The following MAP4K3 variants were observed in gnomAD, a reference collection of about 807,000 sequenced individuals.
MAP4K3 encodes the protein MAPK/ERK kinase kinase kinase 3.
Under a neutral mutation model 143.5 loss-of-function variants are expected in MAP4K3, and 94 were observed. The ratio of observed to expected loss-of-function variants is 0.65; its 90% CI spans 0.55 to 0.78. The LOEUF (loss-of-function observed/expected upper bound fraction) is 0.78, where lower values mean the gene tolerates loss of function less well. Ranked by LOEUF, MAP4K3 falls within the 30% of genes least tolerant of loss-of-function variation. The probability of loss-of-function intolerance (pLI) is 0.00; values close to 1 mark genes in which losing one functional copy is unlikely to be tolerated. For missense variants in MAP4K3, 1,077 were observed against 1,068.1 expected (o/e 1.01, Z -0.12); for synonymous variants, 416 against 347.2 (o/e 1.20, Z -2.20).
At chr2:39,319,141 T>C in intron 12 of MAP4K3, among the ~76,000 whole-genome samples, 1 of 152,180 alleles carries the variant, frequency 6.6e-6, no homozygotes, top group Non-Finnish European at 1.5e-5. Context: ...TGAGAACTCC[T>C]ACAAGCAAAT....
intron 1 of MAP4K3, among the ~76,000 whole-genome samples, chr2:39,419,542 T>C (rs1667489281): frequency 6.6e-6 from 1 of 152,118 alleles, no homozygotes; most frequent in African/African-American, 2.4e-5. Flanking sequence ...GCCCAGTAAT[T>C]AACAGAAACC....
At chr2:39,324,193 G>A (rs1285226783) in intron 12 of MAP4K3, among the ~76,000 whole-genome samples, 2 of 152,144 alleles carry the variant, frequency 1.3e-5, no homozygotes, top group African/African-American at 2.4e-5. Flanking sequence ...CAGATCACAA[G>A]GTCAGGAGTT....
At chr2:39,432,866 A>C (rs1665334514) in intron 1 of MAP4K3, among the ~76,000 whole-genome samples, 1 of 152,244 alleles carries the variant, frequency 6.6e-6, no homozygotes, top group Non-Finnish European at 1.5e-5. Context: ...AAGCTTAACA[A>C]CACGGCAGCC....
At chr2:39,265,843 C>T (rs892232791) in intron 27 of MAP4K3, among the ~76,000 whole-genome samples, 1 of 151,890 alleles carries the variant, frequency 6.6e-6, no homozygotes, top group Admixed American at 6.6e-5. Context: ...TACTGGTTTA[C>T]AAATAATAAA....
At chr2:39,349,753 G>C in intron 3 of MAP4K3, among the ~76,000 whole-genome samples, 1 of 151,390 alleles carries the variant, frequency 6.6e-6, no homozygotes, top group East Asian at 1.9e-4. Flanking sequence ...GAAAAGTTGA[G>C]AGGGGGAGGA....
At chr2:39,276,581 G>A (rs747416002) in intron 24 of MAP4K3, among the ~76,000 whole-genome samples, 5 of 152,140 alleles carry the variant, frequency 3.3e-5, no homozygotes, top group African/African-American at 4.8e-5. Context: ...TAATCCTTTC[G>A]GTGCTTTAGT....
intron 1 of MAP4K3, among the ~76,000 whole-genome samples, chr2:39,398,464 GT>G (rs1177646578): frequency 6.6e-6 from 1 of 151,900 alleles, no homozygotes; most frequent in East Asian, 1.9e-4. Flanking sequence ...TAAAAATACA[GT>G]TAGTAATACA....
At chr2:39,357,636 G>C (rs1326277750) in intron 2 of MAP4K3, among the ~76,000 whole-genome samples, 1 of 152,106 alleles carries the variant, frequency 6.6e-6, no homozygotes, top group Non-Finnish European at 1.5e-5. Flanking sequence ...AATCTCCAAA[G>C]ACATAATTTT....
At chr2:39,435,577 C>T (rs1004129695) in intron 1 of MAP4K3, among the ~76,000 whole-genome samples, 3 of 152,200 alleles carry the variant, frequency 2.0e-5, no homozygotes, top group African/African-American at 7.2e-5. Context: ...TACATGCTCT[C>T]ATAACCCTGA....
intron 28 of MAP4K3, among the ~76,000 whole-genome samples, chr2:39,262,520 G>A (rs189739179): frequency 3.2e-4 from 49 of 152,022 alleles, no homozygotes; most frequent in Admixed American, 6.5e-4. Flanking sequence ...GATTAAAGAC[G>A]CATCTTTAAA....
chr2:39,401,793 C>A (rs1280163924), intron 1 of MAP4K3, among the ~76,000 whole-genome samples: 1 of 151,986 alleles, frequency 6.6e-6, no homozygotes, highest in Non-Finnish European at 1.5e-5. Flanking sequence ...AGGAGTGTGA[C>A]CCTGTCTCAG....
At chr2:39,279,694 A>T (rs1400749516) in intron 23 of MAP4K3, among the ~76,000 whole-genome samples, 1 of 152,060 alleles carries the variant, frequency 6.6e-6, no homozygotes, top group Non-Finnish European at 1.5e-5. Flanking sequence ...TCCTGTCTGT[A>T]ATCTCAGCAC....
chr2:39,304,777 T>C (rs1682638620), intron 15 of MAP4K3, among the ~76,000 whole-genome samples: 1 of 152,180 alleles, frequency 6.6e-6, no homozygotes, highest in Non-Finnish European at 1.5e-5. Context: ...GCAGCATTAT[T>C]CACAATAGCC....
chr2:39,416,288 T>C (rs1316173750), intron 1 of MAP4K3, among the ~76,000 whole-genome samples: 1 of 151,840 alleles, frequency 6.6e-6, no homozygotes, highest in African/African-American at 2.4e-5. Context: ...TAAAACCAAA[T>C]AGATAAGATG....
In MAP4K3 at chr2:39,351,184, C is replaced by T. The variant is rs1169010152; in HGVS notation, c.245+5065G>A. ...CACATACTGAGAAGTAACTATGTAC[C>T]CCCTTTTCCCTCTCAGGCTCTAATG... is the stretch of plus-strand genomic sequence containing the variant. On this transcript the variant is annotated intron_variant, in intron 3 of 33. Transcript: ENST00000263881. Among the ~76,000 whole-genome samples the T allele has an allele frequency of 2.6e-5, 4 of 152,194 alleles. No individual in the cohort carries two copies. In the East Asian group the frequency reaches 7.7e-4, roughly 29 times the overall value.
chr2:39,423,371 A>T (rs936509288), intron 1 of MAP4K3, among the ~76,000 whole-genome samples: 1 of 152,186 alleles, frequency 6.6e-6, no homozygotes, highest in Non-Finnish European at 1.5e-5. Context: ...TTTCTTATAG[A>T]GCTAAAAGCA....
chr2:39,269,470 C>CTTTT (rs59479315), intron 26 of MAP4K3, among the ~76,000 whole-genome samples: 4,375 of 89,346 alleles, frequency 0.049, 459 homozygotes, highest in African/African-American at 0.18. Flanking sequence ...TTGCTCAGGT[C>CTTTT]TTTTTTTTTT....
intron 16 of MAP4K3, among the ~76,000 whole-genome samples, chr2:39,297,204 G>A (rs1227954516): frequency 3.3e-5 from 5 of 151,432 alleles, no homozygotes; most frequent in East Asian, 3.9e-4. Flanking sequence ...TGCAACCACC[G>A]CCTCCTGGGT....
intron 1 of MAP4K3, among the ~76,000 whole-genome samples, chr2:39,421,753 T>A (rs1342578578): frequency 6.6e-6 from 1 of 152,202 alleles, no homozygotes; most frequent in Non-Finnish European, 1.5e-5. Context: ...TGATGTAGTT[T>A]GGCCCGTTTC....
Sources: allele counts gnomAD v4.1 joint callset (sites outside exome capture counted in the v4.1 genomes callset), GRCh38; gene constraint gnomAD v4.1.1; transcripts MANE v1.5; gene names NCBI Gene and HGNC (gene_info 2026-07-23, HGNC 2026-07-21).